The following FMNL2 variants were observed in gnomAD, a reference collection of about 807,000 sequenced individuals.
FMNL2 encodes formin like 2, also known as formin-like protein 2.
Under a neutral mutation model 130.2 loss-of-function variants are expected in FMNL2, and 51 were observed. The ratio of observed to expected loss-of-function variants is 0.39; its 90% CI spans 0.31 to 0.49. The LOEUF (loss-of-function observed/expected upper bound fraction) is 0.49. Ranked by LOEUF, FMNL2 falls within the 20% of genes least tolerant of loss-of-function variation. FMNL2 has a pLI of 0.85. For synonymous variants in FMNL2, 465 were observed against 467.1 expected (o/e 1.00, Z 0.06); for missense variants, 977 against 1,316.2 (o/e 0.74, Z 3.99).
At chr2:152,613,947 A>C (rs77007326) in intron 11 of FMNL2, among the ~76,000 whole-genome samples, 13,029 of 152,226 alleles carry the variant, frequency 0.086, 599 homozygotes, top group South Asian at 0.13. Context: ...GAATTGGGGA[A>C]AGCTTTCTGA....
chr2:152,510,933 G>T (rs7594969), intron 1 of FMNL2, among the ~76,000 whole-genome samples: 129,509 of 151,794 alleles, frequency 0.85, 55,782 homozygotes, highest in Admixed American at 0.92. Context: ...GTTTGGATAG[G>T]GCAGAACTTT....
intron 2 of FMNL2, among the ~76,000 whole-genome samples, chr2:152,529,308 G>A (rs1325785927): frequency 1.3e-5 from 2 of 152,104 alleles, no homozygotes; most frequent in African/African-American, 2.4e-5. Context: ...TGTTTGTCCC[G>A]AGTTCCAGCA....
chr2:152,629,200 T>G (rs75426963), intron 18 of FMNL2, among the ~76,000 whole-genome samples: 4,085 of 152,318 alleles, frequency 0.027, 181 homozygotes, highest in African/African-American at 0.092. Context: ...TATAGTAGTA[T>G]GTCTGTTGAA....
chr2:152,556,583 A>G (rs2028168), intron 4 of FMNL2, among the ~76,000 whole-genome samples: 118,972 of 152,094 alleles, frequency 0.78, 46,762 homozygotes, highest in African/African-American at 0.84. Context: ...GCGAATTGTA[A>G]CTCTGGCTGT....
intron 2 of FMNL2, among the ~76,000 whole-genome samples, chr2:152,531,894 G>A (rs1693719595): frequency 6.6e-6 from 1 of 152,176 alleles, no homozygotes; most frequent in African/African-American, 2.4e-5. Flanking sequence ...ATATCTAGGA[G>A]AATGGGATGT....
intron 25 of FMNL2, chr2:152,645,563 C>G (rs1349779667): frequency 8.2e-7 from 1 of 1,213,834 alleles, no homozygotes; most frequent in Middle Eastern, 2.2e-4. Flanking sequence ...CCTCCTCTCT[C>G]TGTATGCAGA....
At chr2:152,469,574 C>G (rs540765600) in intron 1 of FMNL2, among the ~76,000 whole-genome samples, 2 of 152,340 alleles carry the variant, frequency 1.3e-5, no homozygotes, top group Admixed American at 6.5e-5. Flanking sequence ...TCTGCTCCCC[C>G]TTGCGTGGCC....
chr2:152,610,940 A>T (rs577156458), intron 10 of FMNL2, among the ~76,000 whole-genome samples: 2 of 152,184 alleles, frequency 1.3e-5, no homozygotes, highest in South Asian at 4.1e-4. Flanking sequence ...TATCCTTCCC[A>T]ACTTTTGTTA....
intron 2 of FMNL2, among the ~76,000 whole-genome samples, chr2:152,537,124 C>T (rs1694033365): frequency 6.6e-6 from 1 of 152,214 alleles, no homozygotes; most frequent in Non-Finnish European, 1.5e-5. Flanking sequence ...TTAGAAAGAA[C>T]TTAAGTCTGC....
At chr2:152,646,343 A>AC (rs5835441) in intron 25 of FMNL2, among the ~76,000 whole-genome samples, 4 of 150,420 alleles carry the variant, frequency 2.7e-5, no homozygotes, top group African/African-American at 9.9e-5. Context: ...ACCCCCGCCC[A>AC]CCCCCCCAGA....
chr2:152,574,869 T>C (rs1696390598), intron 6 of FMNL2, among the ~76,000 whole-genome samples: 1 of 152,138 alleles, frequency 6.6e-6, no homozygotes, highest in East Asian at 1.9e-4. Context: ...TCTCATTGGC[T>C]GTGTGATTAG....
chr2:152,365,961 A>G (rs1683505410), intron 1 of FMNL2, among the ~76,000 whole-genome samples: 1 of 152,206 alleles, frequency 6.6e-6, no homozygotes, highest in Non-Finnish European at 1.5e-5. Context: ...AACCATAGCC[A>G]AGTGCATATA....
chr2:152,629,944 A>C, intron 20 of FMNL2, 39 bp downstream of exon 20: 1 of 1,552,052 alleles, frequency 6.4e-7, no homozygotes, highest in Non-Finnish European at 8.8e-7. Flanking sequence ...TGTTTGAAGG[A>C]CAGATGGCTG....
At chr2:152,559,716 G>A (rs956530517) in intron 5 of FMNL2, among the ~76,000 whole-genome samples, 1 of 152,162 alleles carries the variant, frequency 6.6e-6, no homozygotes, top group Admixed American at 6.5e-5. Flanking sequence ...CCTAGCGAGG[G>A]CATCAATGCC....
chr2:152,553,904 CA>C (rs1343799461), intron 4 of FMNL2, among the ~76,000 whole-genome samples: 1 of 152,096 alleles, frequency 6.6e-6, no homozygotes, highest in Admixed American at 6.5e-5. Context: ...AGTCAACATT[CA>C]ATTTGTCGTG....
intron 1 of FMNL2, among the ~76,000 whole-genome samples, chr2:152,403,468 T>C (rs1043262100): frequency 6.6e-6 from 1 of 152,232 alleles, no homozygotes; most frequent in Non-Finnish European, 1.5e-5. Context: ...GGTTAGAATC[T>C]AATACTGCTT....
chr2:152,640,860 G>A lies in FMNL2; in HGVS notation c.3115G>A (p.Asp1039Asn). The A allele has an allele frequency of 6.2e-7, 1 of 1,613,846 alleles. No individual in the cohort carries two copies. The highest frequency in any genetic ancestry group is 8.5e-7 in the Non-Finnish European group (1 of 1,179,820). The part of the protein sequence containing the change: ...IAELRRRQVK[D>N]NRHVYEGKDG... ...AGAATTAAGAAGACGACAAGTTAAAGATAACAGACATGTATATGAGGGAAA... is the reference window on the plus strand; with the variant it reads ...AGAATTAAGAAGACGACAAGTTAAAAATAACAGACATGTATATGAGGGAAA... The change falls in exon 25 of 26, where the codon GAT (aspartate) becomes AAT (asparagine). Residue 1039 changes from aspartate (D) to asparagine (N), a missense_variant. This residue lies in a region of FMNL2 where 168 missense variants were observed against 168.8 expected (regional missense o/e 1.00). Coordinates refer to ENST00000288670, the MANE Select transcript of FMNL2 (RefSeq NM_052905.4).
chr2:152,431,132 T>C (rs1338140250), intron 1 of FMNL2, among the ~76,000 whole-genome samples: 1 of 152,186 alleles, frequency 6.6e-6, no homozygotes, highest in South Asian at 2.1e-4. Flanking sequence ...TAAGGCCAAT[T>C]GTTACTTTCT....
chr2:152,481,937 T>G (rs1690550559), intron 1 of FMNL2, among the ~76,000 whole-genome samples: 1 of 152,188 alleles, frequency 6.6e-6, no homozygotes, highest in South Asian at 2.1e-4. Flanking sequence ...CAAAGTTGCC[T>G]CTTAAATCAC....
Sources: gnomAD v4.1 joint callset for allele counts (sites outside exome capture counted in the v4.1 genomes callset) on GRCh38, gnomAD v4.1.1 for gene constraint, gnomAD v4.1.1 regional missense constraint, MANE v1.5 for transcripts, NCBI Gene and HGNC (gene_info 2026-07-23, HGNC 2026-07-21) for gene names.